Variants in ROBO2 observed in about 807,000 individuals in gnomAD.
ROBO2 encodes roundabout guidance receptor 2, also known as roundabout homolog 2.
A neutral mutation model predicts 160.8 loss-of-function variants in ROBO2; 53 were observed. That is an observed-to-expected ratio of 0.33 (90% CI 0.26 to 0.41). The LOEUF is 0.41. Among genes scored for constraint, ROBO2 ranks in the 10% least tolerant of loss-of-function variants. The pLI, the probability that ROBO2 is intolerant of heterozygous loss-of-function variation, is 1.00. For synonymous variants in ROBO2, 664 were observed against 611.7 expected, an observed-to-expected ratio of 1.09 and a Z score of -1.26; for missense variants, 1,577 against 1,722.4, an observed-to-expected ratio of 0.92 and a Z score of 1.49.
At chr3:76,522,075 T>C (rs1470489101) in intron 2 of ROBO2, among the ~76,000 whole-genome samples, 1 of 152,186 alleles carries the variant, frequency 6.6e-6, no homozygotes, top group Admixed American at 6.5e-5. Context: ...TTGGTAATAA[T>C]ACAGACAACG....
intron 2 of ROBO2, among the ~76,000 whole-genome samples, chr3:76,112,609 G>T (rs533002780): frequency 6.6e-6 from 1 of 152,076 alleles, no homozygotes; most frequent in South Asian, 2.1e-4. Context: ...AGTGTAATTT[G>T]TCTTTCAGAA....
At chr3:77,648,801 C>G (rs140483827) in exon 26 of ROBO2, 1 of 152,084 alleles carries the variant, frequency 6.6e-6, no homozygotes, top group Non-Finnish European at 1.5e-5. Context: ...CGTTTCATAG[C>G]CGATTCAATG....
At chr3:75,997,030 A>G (rs2065749443) in intron 2 of ROBO2, among the ~76,000 whole-genome samples, 1 of 152,312 alleles carries the variant, frequency 6.6e-6, no homozygotes, top group Middle Eastern at 3.4e-3. Flanking sequence ...TACTACATCA[A>G]TTTATGATCT....
intron 2 of ROBO2, among the ~76,000 whole-genome samples, chr3:77,353,596 C>T (rs1241876247): frequency 1.3e-5 from 2 of 152,032 alleles, no homozygotes; most frequent in Admixed American, 6.6e-5. Flanking sequence ...CTGCAACCTC[C>T]GCCTCCTGGG....
chr3:77,279,269 T>A (rs1380559149), intron 2 of ROBO2, among the ~76,000 whole-genome samples: 1 of 152,132 alleles, frequency 6.6e-6, no homozygotes, highest in Non-Finnish European at 1.5e-5. Context: ...TTTTTTTAAC[T>A]CTTTTGAGTT....
chr3:76,460,214 A>C (rs933836713), intron 2 of ROBO2, among the ~76,000 whole-genome samples: 1 of 152,106 alleles, frequency 6.6e-6, no homozygotes, highest in Non-Finnish European at 1.5e-5. Flanking sequence ...CCAAGATTTA[A>C]CTTACCAAAA....
At chr3:76,160,701 A>T (rs975895980) in intron 2 of ROBO2, among the ~76,000 whole-genome samples, 3 of 152,126 alleles carry the variant, frequency 2.0e-5, no homozygotes, top group Non-Finnish European at 4.4e-5. Context: ...TTTTAGTTTT[A>T]GCAGAATTCA....
chr3:76,349,191 G>C (rs1181043032), intron 2 of ROBO2, among the ~76,000 whole-genome samples: 1 of 151,852 alleles, frequency 6.6e-6, no homozygotes, highest in Non-Finnish European at 1.5e-5. Flanking sequence ...TTTTTTAAAA[G>C]TACTTCCTGA....
At chr3:76,513,568 C>T (rs2081206880) in intron 2 of ROBO2, among the ~76,000 whole-genome samples, 1 of 152,032 alleles carries the variant, frequency 6.6e-6, no homozygotes, top group African/African-American at 2.4e-5. Context: ...CCACTCTTGG[C>T]TATTATGAGT....
chr3:76,585,113 C>T (rs768737839), intron 2 of ROBO2, among the ~76,000 whole-genome samples: 2 of 152,122 alleles, frequency 1.3e-5, no homozygotes, highest in African/African-American at 4.8e-5. Flanking sequence ...ATGTGCCAGG[C>T]GTGGTTCCAA....
At chr3:76,333,045 A>T (rs1416101602) in intron 2 of ROBO2, among the ~76,000 whole-genome samples, 1 of 152,198 alleles carries the variant, frequency 6.6e-6, no homozygotes, top group Non-Finnish European at 1.5e-5. Context: ...TTTGCAGGTA[A>T]TGCTGTTGCT....
At position 76,957,359 on chromosome 3, in the gene ROBO2, G is replaced by T. The variant is rs147711577; in HGVS notation, c.110-140655G>T. On this transcript the variant is annotated intron_variant, in intron 2 of 26. Transcript: ENST00000487694. ...AAACATTATGTTTCCAATTTTAAAA[G>T]AAATTAAATAGGAGAATACCTATTA... Among the ~76,000 whole-genome samples, 31 of 152,088 alleles carry T rather than the reference G, an allele frequency of 2.0e-4. 1 individual carries two copies. Among genetic ancestry groups the T allele is most frequent in the African/African-American group, 7.5e-4 (31 of 41,526 alleles).
At chr3:77,116,420 G>A (rs1473105399) in intron 2 of ROBO2, among the ~76,000 whole-genome samples, 2 of 152,082 alleles carry the variant, frequency 1.3e-5, no homozygotes, top group South Asian at 2.1e-4. Flanking sequence ...CGTTTCAGAA[G>A]AGAACTTTAT....
intron 1 of ROBO2, among the ~76,000 whole-genome samples, chr3:77,052,052 C>T (rs372034293): frequency 2.0e-4 from 30 of 152,132 alleles, no homozygotes; most frequent in African/African-American, 6.8e-4. Flanking sequence ...CAGATTCTTC[C>T]GTTTTCTCTT....
rs1233080176 is a variant in ROBO2, at chr3:76,467,356, A to G, written c.109+529754A>G. ...AAAGCTAAGAAAACAAGATTTAGCT[A>G]TCCAAAAATTATGCCAGTATTTCCA... On this transcript the variant is annotated intron_variant, in intron 2 of 26. Coordinates refer to the ROBO2 transcript ENST00000487694. Among the ~76,000 whole-genome samples the G allele has an allele frequency of 3.9e-5, 6 of 152,278 alleles. No homozygotes were observed. In the South Asian group the frequency reaches 1.0e-3, roughly 26 times the overall value.
chr3:77,597,455 C>T (rs1352980323), intron 19 of ROBO2, among the ~76,000 whole-genome samples: 2 of 152,144 alleles, frequency 1.3e-5, no homozygotes, highest in African/African-American at 4.8e-5. Flanking sequence ...CCTGACTTCA[C>T]CTTTTCATCC....
intron 24 of ROBO2, 34 bp downstream of exon 25, chr3:77,635,077 T>A (rs746909413): frequency 1.9e-6 from 3 of 1,603,442 alleles, no homozygotes; most frequent in Non-Finnish European, 2.6e-6. Context: ...GTTTCCTCGC[T>A]GAAGAGACGT....
In ROBO2 at chr3:77,527,434, T is replaced by C. The variant is rs774571584; in HGVS notation, c.934+4532T>C. ...CTGTTGGTAAGTAGCCATCCTTCTATCCACTAAGCATGGCTTTGCACAGTG... is the reference window on the plus strand; with the variant it reads ...CTGTTGGTAAGTAGCCATCCTTCTACCCACTAAGCATGGCTTTGCACAGTG... On this transcript the variant is annotated intron_variant, in intron 6 of 25. Transcript: ENST00000461745. 7.8e-7 allele frequency: 1 copy of C among 1,285,502 alleles called. No homozygotes were observed. The highest frequency in any genetic ancestry group is 1.0e-6 in the Non-Finnish European group (1 of 985,470). 79.6% of individuals were successfully genotyped at this position (1,285,502 alleles called of 1,614,324 possible).
intron 1 of ROBO2, among the ~76,000 whole-genome samples, chr3:77,050,506 C>G (rs2065108986): frequency 6.6e-6 from 1 of 151,058 alleles, no homozygotes; most frequent in African/African-American, 2.4e-5. Flanking sequence ...AATAAACTTA[C>G]TTTCATTTAA....
Sources: gnomAD v4.1 joint callset for allele counts (sites outside exome capture counted in the v4.1 genomes callset) on GRCh38, gnomAD v4.1.1 for gene constraint, MANE v1.5 for transcripts, NCBI Gene and HGNC (gene_info 2026-07-23, HGNC 2026-07-21) for gene names.